XPNPEP3: variants seen among roughly 807,000 people sequenced by gnomAD.
XPNPEP3 encodes X-prolyl aminopeptidase 3, also known as xaa-Pro aminopeptidase 3.
A neutral mutation model predicts 60.0 loss-of-function variants in XPNPEP3; 41 were observed. That is an observed-to-expected ratio of 0.68 (90% confidence interval 0.53 to 0.89). The LOEUF (loss-of-function observed/expected upper bound fraction) is 0.89, where lower values mean the gene tolerates loss of function less well. XPNPEP3 is among the 40% of genes least tolerant of loss of function. XPNPEP3 has a pLI of 0.00. For synonymous variants in XPNPEP3, 212 were observed against 223.2 expected (o/e 0.95, Z 0.45); for missense variants, 598 against 638.9 (o/e 0.94, Z 0.69).
At chr22:40,906,876 G>A (rs971531051) in intron 4 of XPNPEP3, among the ~76,000 whole-genome samples, 1 of 152,188 alleles carries the variant, frequency 6.6e-6, no homozygotes, top group African/African-American at 2.4e-5. Flanking sequence ...GTCTGGTGAA[G>A]GGAAATTCCT....
intron 2 of XPNPEP3, among the ~76,000 whole-genome samples, chr22:40,880,359 CAT>C (rs2058042696): frequency 1.3e-5 from 2 of 151,634 alleles, no homozygotes; most frequent in Non-Finnish European, 2.9e-5. Flanking sequence ...CATTCCATGA[CAT>C]ATTGTTCTGT....
Position 40,901,124 on chromosome 22 carries a change from T to C in XPNPEP3, c.793-6463T>C, listed in dbSNP as rs1315695325. Among the ~76,000 whole-genome samples, 10 of 151,792 alleles carry C rather than the reference T, an allele frequency of 6.6e-5. No homozygotes were observed. The East Asian group carries it at 1.9e-3, about 29-fold the overall frequency. On this transcript the variant is annotated intron_variant, in intron 4 of 9. Transcript: ENST00000357137. Reference sequence around the variant, plus strand: ...AAAAAAAGAATTTAAAATAAAAAACTTTAAAAAATTGTTTAAAAGGACACT... The same window carrying C: ...AAAAAAAGAATTTAAAATAAAAAACCTTAAAAAATTGTTTAAAAGGACACT...
At chr22:40,892,296 T>C (rs2058091352) in intron 4 of XPNPEP3, among the ~76,000 whole-genome samples, 1 of 152,162 alleles carries the variant, frequency 6.6e-6, no homozygotes, top group Non-Finnish European at 1.5e-5. Flanking sequence ...GGGATTCTTC[T>C]GCCTCAGCCT....
chr22:40,859,159 G>T (rs8135426), intron 1 of XPNPEP3, among the ~76,000 whole-genome samples: 1 of 152,102 alleles, frequency 6.6e-6, no homozygotes, highest in Admixed American at 6.5e-5. Context: ...TCTTGAACTG[G>T]TATCCCTGGA....
chr22:40,878,476 T>C (rs946173542), intron 2 of XPNPEP3, among the ~76,000 whole-genome samples: 1 of 152,228 alleles, frequency 6.6e-6, no homozygotes, highest in Non-Finnish European at 1.5e-5. Context: ...AGTAACTTCC[T>C]GATATGTGTT....
rs141932174 is a variant in XPNPEP3, at chr22:40,908,121, C to T, written c.855+472C>T. ...CCCAGCTATTCAAGTGGCTGAGACACGAGAATCACTTAAACCTGGGAGGCA... is the reference window on the plus strand; with the variant it reads ...CCCAGCTATTCAAGTGGCTGAGACATGAGAATCACTTAAACCTGGGAGGCA... On this transcript the variant is annotated intron_variant, in intron 5 of 9. Transcript: ENST00000357137. Among the ~76,000 whole-genome samples the T allele has an allele frequency of 1.9e-3, 289 of 151,678 alleles. 3 individuals carry two copies. Among genetic ancestry groups the T allele is most frequent in the African/African-American group, 6.8e-3 (281 of 41,354 alleles).
chr22:40,878,552 C>T (rs2058035964), intron 2 of XPNPEP3, among the ~76,000 whole-genome samples: 1 of 151,312 alleles, frequency 6.6e-6, no homozygotes, highest in Non-Finnish European at 1.5e-5. Context: ...GATTTTCTTA[C>T]CTTCTGAAAT....
rs1156600597 is a variant in XPNPEP3, at chr22:40,930,172, C to G, written c.*3737C>G. On this transcript the variant is annotated 3_prime_UTR_variant, in exon 10 of 10. Coordinates refer to ENST00000357137, the MANE Select transcript of XPNPEP3 (RefSeq NM_022098.4). ...TGAGATGGAGTCTCGCTCTGTCACC[C>G]AGGCTGGAGTGCAGTGGCACGATCT... The G allele has an allele frequency of 6.6e-6, 1 of 150,398 alleles. No homozygotes were observed. The highest frequency in any genetic ancestry group is 1.9e-4 in the East Asian group (1 of 5,152). 9.3% of individuals were successfully genotyped at this position (150,398 alleles called of 1,614,324 possible).
At chr22:40,893,434 G>T (rs940008873) in intron 4 of XPNPEP3, among the ~76,000 whole-genome samples, 3 of 147,162 alleles carry the variant, frequency 2.0e-5, no homozygotes, top group African/African-American at 7.5e-5. Context: ...GAACCCAGGA[G>T]GTGGAGGTTG....
chr22:40,897,400 T>C (rs2058113141), intron 4 of XPNPEP3, among the ~76,000 whole-genome samples: 1 of 152,320 alleles, frequency 6.6e-6, no homozygotes, highest in South Asian at 2.1e-4. Flanking sequence ...CTAATGCTGC[T>C]ATGTACCTGG....
intron 1 of XPNPEP3, among the ~76,000 whole-genome samples, chr22:40,867,648 A>T (rs1005592242): frequency 6.6e-6 from 1 of 152,166 alleles, no homozygotes; most frequent in Non-Finnish European, 1.5e-5. Flanking sequence ...CTGTAGTCCC[A>T]GCTACTTGGG....
intron 7 of XPNPEP3, among the ~76,000 whole-genome samples, chr22:40,920,831 T>C (rs190996422): frequency 6.6e-6 from 1 of 152,236 alleles, no homozygotes; most frequent in African/African-American, 2.4e-5. Context: ...TCACTCTTGT[T>C]GCCCAGGCTG....
At chr22:40,862,027 G>C in intron 1 of XPNPEP3, 4 of 1,548,826 alleles carry the variant, frequency 2.6e-6, no homozygotes, top group Non-Finnish European at 3.5e-6. Context: ...GGGTGTGCTG[G>C]GTATTGAGAA....
At chr22:40,900,057 T>G (rs1449721081) in intron 4 of XPNPEP3, among the ~76,000 whole-genome samples, 1 of 151,628 alleles carries the variant, frequency 6.6e-6, no homozygotes, top group Non-Finnish European at 1.5e-5. Context: ...AGAGCAAGAC[T>G]CTATCTCACA....
intron 4 of XPNPEP3, among the ~76,000 whole-genome samples, chr22:40,893,317 G>A: frequency 6.6e-6 from 1 of 150,594 alleles, no homozygotes; most frequent in Non-Finnish European, 1.5e-5. Context: ...AAACCAGCCT[G>A]ACTAATACGG....
intron 1 of XPNPEP3, chr22:40,862,400 C>T (rs1429467007): frequency 1.0e-6 from 1 of 991,284 alleles, no homozygotes; most frequent in African/African-American, 1.7e-5. Context: ...CTCTAGATTA[C>T]TGCGCCTTAA....
At position 40,930,384 on chromosome 22, in the gene XPNPEP3, C is replaced by G. The variant is rs571092545; in HGVS notation, c.*3949C>G. 1 of 152,022 alleles carries G rather than the reference C, an allele frequency of 6.6e-6. No homozygotes were observed. Among genetic ancestry groups the G allele is most frequent in the Admixed American group, 6.6e-5 (1 of 15,258 alleles). The allele number at this position is 152,022 out of a possible 1,614,324, so 9.4% of individuals were successfully genotyped here. A position where few individuals can be genotyped will look rare whatever the true frequency, so the allele number is the denominator to read the frequency against. Reference sequence around the variant, plus strand: ...GACCTCATAATCTGCCCACCTCAGCCTCCCAAAGTGCTGGGATTACAGGCG... The same window carrying G: ...GACCTCATAATCTGCCCACCTCAGCGTCCCAAAGTGCTGGGATTACAGGCG... On this transcript the variant is annotated 3_prime_UTR_variant, in exon 10 of 10. Coordinates refer to ENST00000357137, the MANE Select transcript of XPNPEP3 (RefSeq NM_022098.4).
intron 7 of XPNPEP3, among the ~76,000 whole-genome samples, chr22:40,919,019 T>G (rs187369091): frequency 5.9e-4 from 89 of 151,960 alleles, no homozygotes; most frequent in African/African-American, 2.1e-3. Context: ...ATTTTTGTAT[T>G]TTTAATACAG....
chr22:40,892,581 T>A (rs894725722), intron 4 of XPNPEP3, among the ~76,000 whole-genome samples: 6 of 152,214 alleles, frequency 3.9e-5, no homozygotes, highest in African/African-American at 1.4e-4. Context: ...AAGGCTCTCT[T>A]ATTTTGAGTG....
Sources: allele counts gnomAD v4.1 joint callset (sites outside exome capture counted in the v4.1 genomes callset), GRCh38; gene constraint gnomAD v4.1.1; transcripts MANE v1.5; gene names NCBI Gene and HGNC (gene_info 2026-07-23, HGNC 2026-07-21).